The following BTBD9 variants were observed in gnomAD, a reference collection of about 807,000 sequenced individuals.
BTBD9 encodes the protein BTB/POZ domain-containing protein 9.
In BTBD9, 49 loss-of-function variants were observed where a neutral mutation model predicts 64.3. That is an observed-to-expected ratio of 0.76 (90% CI 0.61 to 0.97). The LOEUF is 0.97. BTBD9 is among the 50% of genes least tolerant of loss of function. The pLI, the probability that BTBD9 is intolerant of heterozygous loss-of-function variation, is 0.00. For missense variants in BTBD9, 598 were observed against 762.1 expected (o/e 0.78, Z 2.53); for synonymous variants, 260 against 274.7 (o/e 0.95, Z 0.53).
intron 1 of BTBD9, among the ~76,000 whole-genome samples, chr6:38,616,983 G>A (rs552850487): frequency 3.9e-4 from 60 of 152,210 alleles, no homozygotes; most frequent in African/African-American, 8.9e-4. Flanking sequence ...ATCGCTATGC[G>A]GTGAGTACTA....
chr6:38,432,196 C>T (rs771120018), intron 6 of BTBD9, among the ~76,000 whole-genome samples: 2 of 151,934 alleles, frequency 1.3e-5, no homozygotes, highest in Non-Finnish European at 2.9e-5. Context: ...GTAAAAAAGC[C>T]CTTGCCAGAA....
intron 6 of BTBD9, among the ~76,000 whole-genome samples, chr6:38,383,695 T>C (rs979148411): frequency 6.6e-6 from 1 of 152,250 alleles, no homozygotes; most frequent in Non-Finnish European, 1.5e-5. Flanking sequence ...TGTTCACGTA[T>C]ACAAGGATCG....
chr6:38,495,734 A>G (rs1355182015), intron 6 of BTBD9, among the ~76,000 whole-genome samples: 1 of 116,646 alleles, frequency 8.6e-6, no homozygotes, highest in Non-Finnish European at 1.6e-5. Context: ...ACTGGAGGAC[A>G]GGGCTCAAAT....
chr6:38,535,175 G>GA (rs1773968882), intron 6 of BTBD9, among the ~76,000 whole-genome samples: 1 of 151,918 alleles, frequency 6.6e-6, no homozygotes, highest in Non-Finnish European at 1.5e-5. Flanking sequence ...TTGCAATATA[G>GA]AAAATCAACA....
chr6:38,439,110 C>CTTTTTTTTTTTTTTTTTTTTTTTT (rs35699356), intron 6 of BTBD9, among the ~76,000 whole-genome samples: 2 of 64,066 alleles, frequency 3.1e-5, no homozygotes, highest in African/African-American at 1.4e-4. Context: ...TAGCAACTGA[C>CTTTTTTTTTTTTTTTTTTTTTTTT]TTTTTTTTTT....
At chr6:38,231,776 G>T (rs1266363501) in intron 9 of BTBD9, among the ~76,000 whole-genome samples, 1 of 152,210 alleles carries the variant, frequency 6.6e-6, no homozygotes, top group Non-Finnish European at 1.5e-5. Context: ...AGAAAGACAG[G>T]ACCAAATTTC....
chr6:38,358,014 G>C (rs989223317), intron 6 of BTBD9, among the ~76,000 whole-genome samples: 11 of 151,894 alleles, frequency 7.2e-5, no homozygotes, highest in African/African-American at 2.7e-4. Flanking sequence ...TTTGTTAGCC[G>C]GTCTCTCTCT....
intron 1 of BTBD9, among the ~76,000 whole-genome samples, chr6:38,607,122 A>T (rs1204519620): frequency 6.6e-6 from 1 of 152,228 alleles, no homozygotes; most frequent in Non-Finnish European, 1.5e-5. Flanking sequence ...TACTTTGCTA[A>T]TACAAAGAGA....
At chr6:38,492,785 A>G (rs1771764620) in intron 6 of BTBD9, among the ~76,000 whole-genome samples, 1 of 152,208 alleles carries the variant, frequency 6.6e-6, no homozygotes, top group Non-Finnish European at 1.5e-5. Context: ...ATAAAGTTGC[A>G]TTTTGCTCTA....
chr6:38,478,751 G>A (rs1385888970), intron 6 of BTBD9, among the ~76,000 whole-genome samples: 1 of 152,206 alleles, frequency 6.6e-6, no homozygotes, highest in African/African-American at 2.4e-5. Flanking sequence ...CCTTGGAGAA[G>A]GGAAGAAACA....
Position 38,171,856 on chromosome 6 carries a change from AAAAAAAAAAAAAAAAAAAAAAAAAAAT to A in BTBD9, c.*3102_*3128del, listed in dbSNP as rs1766786322. 1 of 30,356 alleles carries A rather than the reference AAAAAAAAAAAAAAAAAAAAAAAAAAAT, an allele frequency of 3.3e-5. No homozygotes were observed. The highest frequency in any genetic ancestry group is 1.0e-4 in the Non-Finnish European group (1 of 9,796). The allele number at this position is 30,356 out of a possible 1,614,324, so 1.9% of individuals were successfully genotyped here. On this transcript the variant is annotated 3_prime_UTR_variant, in exon 11 of 11. Transcript: ENST00000481247. ...TTGCCTTTCTACTCTCAAAAAAAAA[AAAAAAAAAAAAAAAAAAAAAAAAAAAT>A]AATAATAATAATAATAATAATAATA...
chr6:38,294,226 T>A (rs1245317928), intron 7 of BTBD9, among the ~76,000 whole-genome samples: 1 of 152,198 alleles, frequency 6.6e-6, no homozygotes, highest in Non-Finnish European at 1.5e-5. Flanking sequence ...GGTGGGACTG[T>A]AAACTAGTTC....
chr6:38,379,993 C>G (rs1765863602), intron 6 of BTBD9, among the ~76,000 whole-genome samples: 1 of 152,038 alleles, frequency 6.6e-6, no homozygotes, highest in Admixed American at 6.6e-5. Context: ...AAAGAAAGAG[C>G]TAAAAGAGTG....
intron 1 of BTBD9, among the ~76,000 whole-genome samples, chr6:38,634,125 T>A (rs1582747282): frequency 6.6e-6 from 1 of 152,310 alleles, no homozygotes; most frequent in South Asian, 2.1e-4. Context: ...CTAGGCAGAA[T>A]AGTGAGTAGC....
chr6:38,244,138 G>T (rs1268774230), intron 9 of BTBD9, among the ~76,000 whole-genome samples: 1 of 151,964 alleles, frequency 6.6e-6, no homozygotes, highest in Non-Finnish European at 1.5e-5. Context: ...TTTTTTTGCA[G>T]ATGCCCATGC....
chr6:38,500,795 C>T (rs1772160761), intron 6 of BTBD9, among the ~76,000 whole-genome samples: 1 of 152,140 alleles, frequency 6.6e-6, no homozygotes, highest in Admixed American at 6.5e-5. Context: ...AAAACAAATC[C>T]ATCACTCAAT....
intron 1 of BTBD9, among the ~76,000 whole-genome samples, chr6:38,603,233 T>G (rs930033132): frequency 1.3e-5 from 2 of 152,180 alleles, no homozygotes; most frequent in Non-Finnish European, 2.9e-5. Flanking sequence ...ATTATTAGTT[T>G]TGGATTCTGG....
At chr6:38,333,839 C>G (rs988897468) in intron 7 of BTBD9, among the ~76,000 whole-genome samples, 3 of 152,144 alleles carry the variant, frequency 2.0e-5, no homozygotes, top group African/African-American at 7.2e-5. Context: ...TGTGCCATTG[C>G]TACAACGATA....
intron 6 of BTBD9, among the ~76,000 whole-genome samples, chr6:38,491,643 C>T (rs1276198004): frequency 6.6e-6 from 1 of 151,960 alleles, no homozygotes; most frequent in Non-Finnish European, 1.5e-5. Flanking sequence ...GATGACATTG[C>T]ATCTCTTTAA....
Sources: allele counts gnomAD v4.1 joint callset (sites outside exome capture counted in the v4.1 genomes callset), GRCh38; gene constraint gnomAD v4.1.1; transcripts MANE v1.5; gene names NCBI Gene and HGNC (gene_info 2026-07-23, HGNC 2026-07-21).